The following MYT1L variants were observed in gnomAD, a reference collection of about 807,000 sequenced individuals.
MYT1L encodes myelin transcription factor 1 like, also known as myelin transcription factor 1-like protein.
MYT1L carries 12 observed loss-of-function variants against 126.7 expected under a neutral mutation model. The observed-to-expected ratio is 0.09, with a 90% CI of 0.06 to 0.15. MYT1L has a LOEUF of 0.15. MYT1L is among the 10% of genes least tolerant of loss of function. The pLI is 1.00. For missense variants in MYT1L, 979 were observed against 1,585.2 expected, an observed-to-expected ratio of 0.62 and a Z score of 6.49; for synonymous variants, 541 against 604.2, an observed-to-expected ratio of 0.90 and a Z score of 1.53.
intron 4 of MYT1L, among the ~76,000 whole-genome samples, chr2:2,053,108 C>T (rs6720810): frequency 0.013 from 1,969 of 152,280 alleles, 37 homozygotes; most frequent in African/African-American, 0.045. Flanking sequence ...ACCCATTCTA[C>T]GACATGGCTG....
chr2:1,914,560 C>T (rs1337414561), intron 11 of MYT1L, among the ~76,000 whole-genome samples: 6 of 152,152 alleles, frequency 3.9e-5, no homozygotes, highest in Admixed American at 3.9e-4. Context: ...CCTCCCCAGG[C>T]CTCCAGAGCC....
chr2:2,023,495 C>T (rs867584309), intron 4 of MYT1L, among the ~76,000 whole-genome samples: 1 of 152,190 alleles, frequency 6.6e-6, no homozygotes, highest in African/African-American at 2.4e-5. Context: ...AAGCCTACAC[C>T]AACAGATTGG....
At chr2:2,288,485 A>G (rs1204906521) in intron 1 of MYT1L, among the ~76,000 whole-genome samples, 1 of 152,250 alleles carries the variant, frequency 6.6e-6, no homozygotes, top group East Asian at 1.9e-4. Context: ...CCTCATGTGC[A>G]GTTTACCTGG....
At chr2:1,886,473 C>A (rs921074629) in intron 18 of MYT1L, 66 bp downstream of exon 18, 2 of 1,198,826 alleles carry the variant, frequency 1.7e-6, no homozygotes, top group South Asian at 1.7e-5. Context: ...AATGACATAT[C>A]ATTTTTTTTT....
intron 2 of MYT1L, among the ~76,000 whole-genome samples, chr2:2,280,548 A>G (rs1369348714): frequency 6.6e-6 from 1 of 152,202 alleles, no homozygotes; most frequent in African/African-American, 2.4e-5. Flanking sequence ...TGCACATTAC[A>G]TAACGCTCTG....
chr2:2,292,039 C>T (rs999737856), intron 1 of MYT1L, among the ~76,000 whole-genome samples: 3 of 152,244 alleles, frequency 2.0e-5, no homozygotes, highest in Non-Finnish European at 4.4e-5. Flanking sequence ...GGGCGCTGCT[C>T]TCTGGGCCTG....
intron 2 of MYT1L, among the ~76,000 whole-genome samples, chr2:2,217,708 A>AC (rs200587442): frequency 0.016 from 1,803 of 112,590 alleles, 43 homozygotes; most frequent in Admixed American, 0.035. Flanking sequence ...AACAACAACA[A>AC]AAAAAAAAAA....
At chr2:1,974,550 A>G (rs1054170197) in intron 8 of MYT1L, 7 of 152,174 alleles carry the variant, frequency 4.6e-5, no homozygotes, top group Admixed American at 4.6e-4. Context: ...AATATTTGTC[A>G]TATTTGTTAG....
chr2:1,945,007 G>C (rs1002660005), intron 8 of MYT1L, among the ~76,000 whole-genome samples: 2 of 152,250 alleles, frequency 1.3e-5, no homozygotes, highest in African/African-American at 2.4e-5. Context: ...GGGAAACAAA[G>C]CATTTCAATA....
chr2:2,229,225 G>A (rs1429086139), intron 2 of MYT1L, among the ~76,000 whole-genome samples: 5 of 151,986 alleles, frequency 3.3e-5, no homozygotes, highest in Admixed American at 3.3e-4. Context: ...ATACAAAAAT[G>A]ATATCTTTAT....
chr2:2,000,345 A>T (rs767835601), intron 4 of MYT1L, among the ~76,000 whole-genome samples: 19 of 152,260 alleles, frequency 1.2e-4, no homozygotes, highest in Admixed American at 2.6e-4. Flanking sequence ...ATTTAAAAAA[A>T]ATATTTAAAG....
chr2:1,792,215 T>G, intron 24 of MYT1L, 106 bp downstream of exon 24: 1 of 1,410,102 alleles, frequency 7.1e-7, no homozygotes, highest in Non-Finnish European at 9.4e-7. Context: ...CACAAACATT[T>G]GCCAAAGGCT....
chr2:1,828,891 A>G (rs756497323), intron 21 of MYT1L, among the ~76,000 whole-genome samples: 2 of 152,212 alleles, frequency 1.3e-5, no homozygotes, highest in African/African-American at 4.8e-5. Flanking sequence ...GACTCTTAAG[A>G]TATGAGTTAC....
chr2:1,912,116 C>A lies in MYT1L; in HGVS notation c.1619-6G>T. On this transcript the variant is annotated splice_polypyrimidine_tract_variant and splice_region_variant and intron_variant, in intron 11 of 24. Transcript: ENST00000647738. This position sits in a 1 kb window ranked among gnomAD's most constrained non-coding sequence, Gnocchi z 4.3. The stretch of plus-strand genomic sequence containing the variant: ...ACTTTCATGCATGGCAAGGACTTGA[C>A]AGGGAGAGGCAAAGAGAACAGCCAG... 1.3e-6 allele frequency: 2 copies of A among 1,564,188 alleles called. No homozygotes were observed. The highest frequency in any genetic ancestry group is 1.7e-6 in the Non-Finnish European group (2 of 1,145,358).
chr2:1,942,384 AC>A (rs1415662718), intron 9 of MYT1L, among the ~76,000 whole-genome samples: 1 of 152,134 alleles, frequency 6.6e-6, no homozygotes, highest in Non-Finnish European at 1.5e-5. Context: ...AGCACCGGAA[AC>A]CCCAGATCAG....
At chr2:1,817,325 G>C (rs1015560029) in intron 21 of MYT1L, among the ~76,000 whole-genome samples, 17 of 152,288 alleles carry the variant, frequency 1.1e-4, no homozygotes, top group African/African-American at 4.1e-4. Context: ...TGGGGGGATA[G>C]GGGCGCCACA....
At chr2:1,850,813 G>C (rs949578450) in intron 19 of MYT1L, among the ~76,000 whole-genome samples, 20 of 152,024 alleles carry the variant, frequency 1.3e-4, no homozygotes, top group African/African-American at 4.8e-4. Flanking sequence ...GGTGCTTCCC[G>C]TGGGGAATTT....
At chr2:2,153,172 G>A (rs1338340572) in intron 3 of MYT1L, among the ~76,000 whole-genome samples, 1 of 152,142 alleles carries the variant, frequency 6.6e-6, no homozygotes, top group East Asian at 1.9e-4. Flanking sequence ...GGTGGTGGGT[G>A]CCTATAGTCC....
At chr2:2,327,486 A>T (rs1039486330) in intron 1 of MYT1L, among the ~76,000 whole-genome samples, 2 of 146,544 alleles carry the variant, frequency 1.4e-5, no homozygotes, top group Admixed American at 6.7e-5. Context: ...AAGATATTCA[A>T]AAAAAGAACT....
Sources: gnomAD v4.1 joint callset for allele counts (sites outside exome capture counted in the v4.1 genomes callset) on GRCh38, gnomAD v4.1.1 for gene constraint, Gnocchi (gnomAD v3.1) non-coding constraint, MANE v1.5 for transcripts, NCBI Gene and HGNC (gene_info 2026-07-23, HGNC 2026-07-21) for gene names.